Variants in NEMP2 observed in about 807,000 individuals in gnomAD.
NEMP2 encodes the protein nuclear envelope integral membrane protein 2.
A neutral mutation model predicts 54.2 loss-of-function variants in NEMP2; 53 were observed. That is an observed-to-expected ratio of 0.98 (90% CI 0.78 to 1.23). The LOEUF is 1.23. Among genes scored for constraint, NEMP2 ranks in the 50% most tolerant of loss-of-function variants. The pLI is 0.00. For missense variants in NEMP2, 455 were observed against 511.3 expected (o/e 0.89, Z 1.06); for synonymous variants, 197 against 190.3 (o/e 1.04, Z -0.29).
chr2:190,501,364 A>C (rs1350194776), downstream of NEMP2: 5 of 152,216 alleles, frequency 3.3e-5, no homozygotes, highest in Admixed American at 2.6e-4. Flanking sequence ...ACACAGTCAG[A>C]CACTGGACAA....
chr2:190,566,459 A>T, the NEMP2 span, among the ~76,000 whole-genome samples: 6 of 151,964 alleles, frequency 3.9e-5, no homozygotes, highest in African/African-American at 1.5e-4. Flanking sequence ...TCTGTACTAG[A>T]AGTACAAAAA....
chr2:190,486,490 C>T, the NEMP2 span, among the ~76,000 whole-genome samples: 1 of 152,196 alleles, frequency 6.6e-6, no homozygotes, highest in East Asian at 1.9e-4. Context: ...CTTGGCAGTT[C>T]TCTTTTTTTG....
At chr2:190,562,263 G>A in the NEMP2 span, among the ~76,000 whole-genome samples, 2 of 152,192 alleles carry the variant, frequency 1.3e-5, no homozygotes, top group Middle Eastern at 3.2e-3. The surrounding 1 kb of genome is among the most constrained non-coding windows in gnomAD (Gnocchi z 5.0). Context: ...TGACTTCCCA[G>A]CCAGGAAGCT....
At chr2:190,606,131 A>C in the NEMP2 span, among the ~76,000 whole-genome samples, 1 of 152,230 alleles carries the variant, frequency 6.6e-6, no homozygotes, top group Non-Finnish European at 1.5e-5. Flanking sequence ...GGCCGGACCA[A>C]AATAGGGAAG....
chr2:190,435,617 A>G, the NEMP2 span, among the ~76,000 whole-genome samples: 1 of 145,366 alleles, frequency 6.9e-6, no homozygotes, highest in African/African-American at 2.5e-5. Flanking sequence ...TTGTTTGAAC[A>G]GTAAAATCAA....
At chr2:190,474,097 C>T in the NEMP2 span, among the ~76,000 whole-genome samples, 2 of 151,862 alleles carry the variant, frequency 1.3e-5, no homozygotes, top group Non-Finnish European at 2.9e-5. Flanking sequence ...GCACTAAATG[C>T]CCACAAGAGA....
the NEMP2 span, among the ~76,000 whole-genome samples, chr2:190,596,569 T>G: frequency 6.6e-6 from 1 of 152,164 alleles, no homozygotes; most frequent in African/African-American, 2.4e-5. This position sits in a 1 kb window ranked among gnomAD's most constrained non-coding sequence, Gnocchi z 5.1. Flanking sequence ...GTTTGTCAAG[T>G]CTGTGATGCT....
At chr2:190,640,198 AT>A in the NEMP2 span, among the ~76,000 whole-genome samples, 5 of 152,128 alleles carry the variant, frequency 3.3e-5, no homozygotes, top group African/African-American at 9.6e-5. Context: ...ATTATTTTTT[AT>A]TTTTTTCCAT....
downstream of NEMP2, chr2:190,500,199 T>C: frequency 1.2e-6 from 2 of 1,614,134 alleles, no homozygotes; most frequent in South Asian, 1.1e-5. This position sits in a 1 kb window ranked among gnomAD's most constrained non-coding sequence, Gnocchi z 5.3. Context: ...CAGGCTCAGC[T>C]GGCCGCGGGA....
At chr2:190,483,399 CA>C in the NEMP2 span, among the ~76,000 whole-genome samples, 1 of 152,182 alleles carries the variant, frequency 6.6e-6, no homozygotes, top group East Asian at 1.9e-4. Flanking sequence ...TGACTCTGGA[CA>C]AGGCATCTAA....
chr2:190,540,670 G>A, the NEMP2 span, among the ~76,000 whole-genome samples: 1 of 152,070 alleles, frequency 6.6e-6, no homozygotes. Context: ...GGTTTATTAG[G>A]GATATTGGCC....
the NEMP2 span, among the ~76,000 whole-genome samples, chr2:190,541,869 AG>A: frequency 2.6e-5 from 2 of 77,714 alleles, no homozygotes. This position sits in a 1 kb window ranked among gnomAD's most constrained non-coding sequence, Gnocchi z 5.2. Context: ...CTTGGATAGC[AG>A]TTTTTTTTTT....
chr2:190,613,898 A>G, the NEMP2 span, among the ~76,000 whole-genome samples: 4 of 151,984 alleles, frequency 2.6e-5, no homozygotes, highest in Admixed American at 2.0e-4. Context: ...CCATTACTTC[A>G]CCAATAATTT....
chr2:190,463,275 T>C, the NEMP2 span, among the ~76,000 whole-genome samples: 1 of 152,218 alleles, frequency 6.6e-6, no homozygotes, highest in Non-Finnish European at 1.5e-5. This position sits in a 1 kb window ranked among gnomAD's most constrained non-coding sequence, Gnocchi z 4.4. Context: ...AGAGTTTGGA[T>C]ATATATTTTC....
the NEMP2 span, among the ~76,000 whole-genome samples, chr2:190,495,751 T>G: frequency 6.6e-6 from 1 of 152,040 alleles, no homozygotes; most frequent in Non-Finnish European, 1.5e-5. The surrounding 1 kb of genome is among the most constrained non-coding windows in gnomAD (Gnocchi z 4.7). Context: ...GAAAGGATAC[T>G]CTATTCAACA....
At chr2:190,475,215 G>A in the NEMP2 span, among the ~76,000 whole-genome samples, 1 of 152,176 alleles carries the variant, frequency 6.6e-6, no homozygotes, top group South Asian at 2.1e-4. Context: ...TTCTGGCCAG[G>A]GCAATCAGGC....
chr2:190,600,437 G>A, the NEMP2 span, among the ~76,000 whole-genome samples: 3 of 152,180 alleles, frequency 2.0e-5, 1 homozygote, highest in African/African-American at 7.2e-5. The surrounding 1 kb of genome is among the most constrained non-coding windows in gnomAD (Gnocchi z 4.9). Context: ...AACTCATGTT[G>A]AAATTTAACC....
chr2:190,552,883 G>T, the NEMP2 span, among the ~76,000 whole-genome samples: 3 of 152,106 alleles, frequency 2.0e-5, no homozygotes, highest in African/African-American at 7.2e-5. Context: ...TTGTATAGCA[G>T]TGTATTTTTT....
the NEMP2 span, among the ~76,000 whole-genome samples, chr2:190,630,602 T>C: frequency 6.6e-6 from 1 of 152,132 alleles, no homozygotes; most frequent in East Asian, 1.9e-4. The surrounding 1 kb of genome is among the most constrained non-coding windows in gnomAD (Gnocchi z 5.5). Context: ...CCTAAAAAAA[T>C]CCTTAAATCT....
Sources: allele counts gnomAD v4.1 joint callset (sites outside exome capture counted in the v4.1 genomes callset), GRCh38; gene constraint gnomAD v4.1.1; non-coding constraint Gnocchi (gnomAD v3.1); transcripts MANE v1.5; gene names NCBI Gene and HGNC (gene_info 2026-07-23, HGNC 2026-07-21).